SLC41A2: variants seen among roughly 807,000 people sequenced by gnomAD.
The protein encoded by SLC41A2 is solute carrier family 41 member 2, also known as SLC41A1-like 1.
In SLC41A2, 32 loss-of-function variants were observed where a neutral mutation model predicts 58.3. The observed-to-expected ratio is 0.55, with a 90% CI of 0.41 to 0.74. The LOEUF (loss-of-function observed/expected upper bound fraction) is 0.74. Ranked by LOEUF, SLC41A2 falls within the 30% of genes least tolerant of loss-of-function variation. SLC41A2 has a pLI of 0.00. For missense variants in SLC41A2, 514 were observed against 680.6 expected, an observed-to-expected ratio of 0.76 and a Z score of 2.72; for synonymous variants, 190 against 235.0, an observed-to-expected ratio of 0.81 and a Z score of 1.75.
intron 2 of SLC41A2, among the ~76,000 whole-genome samples, chr12:104,915,057 A>G (rs1381209406): frequency 2.0e-5 from 3 of 152,252 alleles, no homozygotes; most frequent in African/African-American, 7.2e-5. Flanking sequence ...CTAACTTTGC[A>G]CATGCATCAC....
chr12:104,827,732 TTAGA>T (rs1420761016), intron 10 of SLC41A2, among the ~76,000 whole-genome samples: 3 of 152,264 alleles, frequency 2.0e-5, no homozygotes, highest in East Asian at 1.9e-4. Context: ...CTAGGAACAC[TTAGA>T]TAGACTGGGA....
chr12:104,864,891 T>C (rs1471141266), intron 7 of SLC41A2, among the ~76,000 whole-genome samples: 1 of 152,210 alleles, frequency 6.6e-6, no homozygotes, highest in Non-Finnish European at 1.5e-5. Context: ...AAAGTACTGA[T>C]GGTACTTTCC....
intron 3 of SLC41A2, among the ~76,000 whole-genome samples, chr12:104,904,722 G>C (rs1319254253): frequency 1.3e-5 from 2 of 151,848 alleles, no homozygotes; most frequent in African/African-American, 4.8e-5. Context: ...AGACCTTCGC[G>C]ATGAGTGTTA....
At chr12:104,931,475 C>T (rs2047050864) in intron 1 of SLC41A2, among the ~76,000 whole-genome samples, 1 of 152,054 alleles carries the variant, frequency 6.6e-6, no homozygotes, top group African/African-American at 2.4e-5. Flanking sequence ...GCTGGGGCTA[C>T]AGTAATGAAA....
chr12:104,923,293 C>T (rs1296525886), intron 2 of SLC41A2, among the ~76,000 whole-genome samples: 2 of 145,312 alleles, frequency 1.4e-5, no homozygotes, highest in African/African-American at 2.5e-5. Flanking sequence ...ATCCAGGAGG[C>T]GGAGCTTGAA....
chr12:104,905,585 C>T (rs924542691), intron 3 of SLC41A2, among the ~76,000 whole-genome samples: 23 of 152,208 alleles, frequency 1.5e-4, no homozygotes, highest in Admixed American at 7.8e-4. Context: ...CGGGGAGGCT[C>T]GGGCCGCACA....
chr12:104,917,671 T>C (rs2046388446), intron 2 of SLC41A2, among the ~76,000 whole-genome samples: 1 of 151,742 alleles, frequency 6.6e-6, no homozygotes, highest in Admixed American at 6.6e-5. Flanking sequence ...TCATGTCCTT[T>C]GTAGGGACAT....
intron 10 of SLC41A2, among the ~76,000 whole-genome samples, chr12:104,821,761 G>A (rs1418265119): frequency 6.6e-6 from 1 of 152,142 alleles, no homozygotes; most frequent in Non-Finnish European, 1.5e-5. Flanking sequence ...GAAGAGAATG[G>A]GGCACATAGG....
At chr12:104,854,112 AT>A (rs2042928509) in intron 8 of SLC41A2, among the ~76,000 whole-genome samples, 1 of 151,660 alleles carries the variant, frequency 6.6e-6, no homozygotes, top group Non-Finnish European at 1.5e-5. Context: ...AGGAGAAAAA[AT>A]ATCACTCATT....
intron 6 of SLC41A2, among the ~76,000 whole-genome samples, chr12:104,880,687 G>A (rs1190710530): frequency 1.3e-5 from 2 of 152,098 alleles, no homozygotes; most frequent in South Asian, 2.1e-4. Flanking sequence ...TGGTGGACAC[G>A]CTTTTTGACG....
chr12:104,911,875 G>A (rs373789392), intron 2 of SLC41A2, among the ~76,000 whole-genome samples: 61 of 152,240 alleles, frequency 4.0e-4, no homozygotes, highest in African/African-American at 1.4e-3. Context: ...ACCAGCAAAC[G>A]ATTTTGTCCA....
intron 1 of SLC41A2, among the ~76,000 whole-genome samples, chr12:104,940,072 G>A (rs917699329): frequency 2.0e-5 from 3 of 151,620 alleles, no homozygotes; most frequent in Non-Finnish European, 4.4e-5. Context: ...GGAGTGCAAC[G>A]GCGTGATCTC....
chr12:104,810,304 ATAAG>A (rs1200855062), intron 10 of SLC41A2, among the ~76,000 whole-genome samples: 3 of 152,178 alleles, frequency 2.0e-5, no homozygotes, highest in Admixed American at 2.0e-4. Context: ...TGCTGATTGA[ATAAG>A]TAATGTATAC....
rs143577406 is a variant in SLC41A2, at chr12:104,902,769, A to C, written c.663+6886T>G. On this transcript the variant is annotated intron_variant, in intron 3 of 10. Coordinates refer to ENST00000258538, the MANE Select transcript of SLC41A2 (RefSeq NM_001352171.3). ...TTCAACTAGAAAATAATCAGTGAAG[A>C]GTCCAGAGAAGATGAGGCTTTCAGA... Among the ~76,000 whole-genome samples the C allele has an allele frequency of 4.0e-3, 603 of 152,318 alleles. 3 individuals are homozygous for C. Among genetic ancestry groups the C allele is most frequent in the Non-Finnish European group, 5.9e-3 (400 of 68,038 alleles).
At chr12:104,877,769 C>T (rs11609934) in intron 6 of SLC41A2, among the ~76,000 whole-genome samples, 68,620 of 151,732 alleles carry the variant, frequency 0.45, 16,025 homozygotes, top group Middle Eastern at 0.53. Context: ...GAGGCCGAGG[C>T]AGGCAGATTC....
chr12:104,839,757 C>T (rs1015119632), intron 10 of SLC41A2, among the ~76,000 whole-genome samples: 1 of 152,204 alleles, frequency 6.6e-6, no homozygotes, highest in Non-Finnish European at 1.5e-5. Context: ...CCCGCCTCAG[C>T]CTCCCAAAGT....
chr12:104,957,465 A>G (rs1480083130), intron 1 of SLC41A2, among the ~76,000 whole-genome samples: 1 of 152,188 alleles, frequency 6.6e-6, no homozygotes, highest in Non-Finnish European at 1.5e-5. Context: ...AACTCTGTGA[A>G]TATATTAAAA....
intron 6 of SLC41A2, among the ~76,000 whole-genome samples, chr12:104,868,762 A>C (rs996294): frequency 0.54 from 82,754 of 152,014 alleles, 22,963 homozygotes; most frequent in Middle Eastern, 0.64. Context: ...ATGGACTATT[A>C]CTTGGCCATT....
chr12:104,831,710 GCTTCCCT>G (rs2042041816), intron 10 of SLC41A2, among the ~76,000 whole-genome samples: 1 of 152,082 alleles, frequency 6.6e-6, no homozygotes, highest in Admixed American at 6.6e-5. Flanking sequence ...CTTGTCAGGT[GCTTCCCT>G]ATTACCCATA....
Sources: gnomAD v4.1 joint callset for allele counts (sites outside exome capture counted in the v4.1 genomes callset) on GRCh38, gnomAD v4.1.1 for gene constraint, MANE v1.5 for transcripts, NCBI Gene and HGNC (gene_info 2026-07-23, HGNC 2026-07-21) for gene names.